Variants in BLACAT1 observed in about 807,000 individuals in gnomAD.
The protein encoded by BLACAT1 is bladder cancer associated transcript 1.
chr1:205,442,026 T>G (rs201440765), intron 1 of BLACAT1, among the ~76,000 whole-genome samples: 1 of 152,204 alleles, frequency 6.6e-6, no homozygotes, highest in Non-Finnish European at 1.5e-5. Context: ...CTTAACCACC[T>G]GCAGATTTTT....
intron 1 of BLACAT1, among the ~76,000 whole-genome samples, chr1:205,452,115 T>C (rs1172694185): frequency 6.6e-6 from 1 of 152,062 alleles, no homozygotes; most frequent in Admixed American, 6.6e-5. Context: ...GGGTGTGCCC[T>C]CCCCTCCTCT....
intron 1 of BLACAT1, among the ~76,000 whole-genome samples, chr1:205,445,704 A>T (rs1396628142): frequency 6.6e-6 from 1 of 152,234 alleles, no homozygotes; most frequent in Non-Finnish European, 1.5e-5. Context: ...GCCTGCACTC[A>T]GTGTTTTCCA....
intron 1 of BLACAT1, among the ~76,000 whole-genome samples, chr1:205,454,793 C>T (rs528957167): frequency 2.0e-5 from 3 of 152,016 alleles, no homozygotes; most frequent in Admixed American, 6.5e-5. Context: ...AAAGAGCTGA[C>T]TTTTCCTCCA....
intron 1 of BLACAT1, among the ~76,000 whole-genome samples, chr1:205,451,960 G>T (rs543173020): frequency 6.6e-6 from 1 of 152,222 alleles, no homozygotes; most frequent in Admixed American, 6.5e-5. Flanking sequence ...CAGAAAAGAA[G>T]AATGCTGACA....
downstream of BLACAT1, among the ~76,000 whole-genome samples, chr1:205,439,535 G>T (rs1253308400): frequency 6.6e-6 from 1 of 152,232 alleles, no homozygotes; most frequent in Non-Finnish European, 1.5e-5. Context: ...ACCAGCCGAG[G>T]AAGACTTTTG....
chr1:205,436,032 A>T (rs1666198553), downstream of BLACAT1: 1 of 152,260 alleles, frequency 6.6e-6, no homozygotes, highest in Non-Finnish European at 1.5e-5. Context: ...GAACAACGGG[A>T]TAAAAATAGC....
At chr1:205,437,395 A>G (rs1190210298), downstream of BLACAT1, 1 of 152,312 alleles carries the variant, frequency 6.6e-6, no homozygotes, top group Admixed American at 6.5e-5. Flanking sequence ...GATGGCCTAG[A>G]CAGGACCTGG....
chr1:205,451,062 AGCCCAAGGG>A (rs532235521), intron 1 of BLACAT1, among the ~76,000 whole-genome samples: 13 of 152,268 alleles, frequency 8.5e-5, no homozygotes, highest in African/African-American at 3.1e-4. Flanking sequence ...GGGGCCCAGC[AGCCCAAGGG>A]GCCCAAGGGA....
At chr1:205,451,991 G>C (rs531736659) in intron 1 of BLACAT1, among the ~76,000 whole-genome samples, 1 of 152,252 alleles carries the variant, frequency 6.6e-6, no homozygotes, top group African/African-American at 2.4e-5. Context: ...GGAGGCAGAG[G>C]TGGAGCACAG....
At chr1:205,451,832 A>C (rs1031207778) in intron 1 of BLACAT1, among the ~76,000 whole-genome samples, 1 of 152,074 alleles carries the variant, frequency 6.6e-6, no homozygotes, top group African/African-American at 2.4e-5. Context: ...TATTATTATT[A>C]TTCCCATTGG....
Position 205,441,799 on chromosome 1 carries a change from C to T in BLACAT1, c.-36-737G>A, listed in dbSNP as rs1666297750. Among the ~76,000 whole-genome samples, 1 of 152,184 alleles carries T rather than the reference C, an allele frequency of 6.6e-6. No individual in the cohort carries two copies. Among genetic ancestry groups the T allele is most frequent in the African/African-American group, 2.4e-5 (1 of 41,444 alleles). On this transcript the variant is annotated intron_variant, in intron 1 of 1. Coordinates refer to ENST00000629624, the Ensembl canonical transcript of BLACAT1. The surrounding 1 kb of genome is among the most constrained non-coding windows in gnomAD (Gnocchi z 4.3). ...ATACAAAAGGGTAAAGACATGGTTTCTTCCCTGGCACATAAGTCTGAGGTA... is the reference window on the plus strand; with the variant it reads ...ATACAAAAGGGTAAAGACATGGTTTTTTCCCTGGCACATAAGTCTGAGGTA...
At chr1:205,451,980 TGGAGGCAGAGGTGGAGCACAGGCAGAACC>T (rs1666503627) in intron 1 of BLACAT1, among the ~76,000 whole-genome samples, 1 of 151,584 alleles carries the variant, frequency 6.6e-6, no homozygotes, top group South Asian at 2.1e-4. Flanking sequence ...AAAGAGAAAC[TGGAGGCAGAGGTGGAGCACAGGCAGAACC>T]GGAGGCAGCA....
chr1:205,439,658 C>T (rs1257107763), downstream of BLACAT1, among the ~76,000 whole-genome samples: 2 of 152,192 alleles, frequency 1.3e-5, no homozygotes, highest in East Asian at 3.9e-4. Context: ...GTCAGAAGGG[C>T]TATTCTGTCC....
At chr1:205,449,437 G>A (rs1666457240) in intron 1 of BLACAT1, among the ~76,000 whole-genome samples, 1 of 151,970 alleles carries the variant, frequency 6.6e-6, no homozygotes, top group African/African-American at 2.4e-5. Context: ...ATCAGGCCCT[G>A]CCTCTGCCAG....
chr1:205,444,526 G>A (rs1351430054), intron 1 of BLACAT1, among the ~76,000 whole-genome samples: 1 of 152,036 alleles, frequency 6.6e-6, no homozygotes, highest in Non-Finnish European at 1.5e-5. Context: ...ACTCTCCTGG[G>A]GTCCTCCAAC....
At chr1:205,435,709 A>G (rs1216916404), downstream of BLACAT1, 1 of 152,354 alleles carries the variant, frequency 6.6e-6, no homozygotes, top group East Asian at 1.9e-4. Flanking sequence ...CTGCAGTGTC[A>G]TACCTGTGTA....
intron 1 of BLACAT1, among the ~76,000 whole-genome samples, chr1:205,445,063 C>G (rs994954324): frequency 6.6e-6 from 1 of 152,164 alleles, no homozygotes; most frequent in Non-Finnish European, 1.5e-5. Context: ...TTCATCACTG[C>G]GAAGGGAAGC....
chr1:205,447,739 C>T lies in BLACAT1; in HGVS notation c.-36-6677G>A, dbSNP rs897392739. Among the ~76,000 whole-genome samples, 3 of 127,972 alleles carry T rather than the reference C, an allele frequency of 2.3e-5. No individual in the cohort carries two copies. In the South Asian group the frequency reaches 8.5e-4, roughly 36 times the overall value. The allele number at this position is 127,972 out of a possible 152,430, so 84.0% of individuals were successfully genotyped here. On this transcript the variant is annotated intron_variant, in intron 1 of 1. Coordinates refer to ENST00000629624, the Ensembl canonical transcript of BLACAT1. ...CACCAGGAGCCAGGGACCCTGGAGT[C>T]CAGCCTGTCGCCCGGGGGAGCGCCT... is the stretch of plus-strand genomic sequence containing the variant.
Position 205,447,324 on chromosome 1 carries a change from T to G in BLACAT1, c.-36-6262A>C, listed in dbSNP as rs114656941. ...AGTGCAGGTGAGGCGGTTAGAATCA[T>G]GGGGTACATAGTAGGTACCCAGTAA... On this transcript the variant is annotated intron_variant, in intron 1 of 1. Transcript: ENST00000629624. 5.7e-3 allele frequency among the ~76,000 whole-genome samples: 861 copies of G among 152,320 alleles called. 11 individuals are homozygous for G. Among genetic ancestry groups the G allele is most frequent in the African/African-American group, 0.02 (820 of 41,572 alleles).
Sources: allele counts gnomAD v4.1 joint callset (sites outside exome capture counted in the v4.1 genomes callset), GRCh38; gene constraint gnomAD v4.1.1; non-coding constraint Gnocchi (gnomAD v3.1); transcripts MANE v1.5; gene names NCBI Gene and HGNC (gene_info 2026-07-23, HGNC 2026-07-21).